The following RPN1 variants were observed in gnomAD, a reference collection of about 807,000 sequenced individuals.
RPN1 encodes the protein dolichyl-diphosphooligosaccharide--protein glycosyltransferase subunit 1.
A neutral mutation model predicts 55.5 loss-of-function variants in RPN1; 12 were observed. That is an observed-to-expected ratio of 0.22 (90% confidence interval 0.14 to 0.35). The LOEUF (loss-of-function observed/expected upper bound fraction) is 0.35, where lower values mean the gene tolerates loss of function less well. RPN1 is among the 10% of genes least tolerant of loss of function. The pLI is 1.00. For synonymous variants in RPN1, 317 were observed against 305.9 expected, an observed-to-expected ratio of 1.04 and a Z score of -0.38; for missense variants, 679 against 761.3, an observed-to-expected ratio of 0.89 and a Z score of 1.27.
intron 1 of RPN1, among the ~76,000 whole-genome samples, chr3:128,645,530 T>TCC (rs2069760257): frequency 6.6e-6 from 1 of 150,746 alleles, no homozygotes; most frequent in African/African-American, 2.4e-5. Flanking sequence ...AATGATGAAA[T>TCC]ACACACAGCT....
chr3:128,625,830 G>C, intron 7 of RPN1, 44 bp downstream of exon 7: 1 of 1,583,920 alleles, frequency 6.3e-7, no homozygotes, highest in Middle Eastern at 1.8e-4. Flanking sequence ...AGAGCCCACT[G>C]TCTGGGGAAG....
chr3:128,638,897 C>T (rs1242519782), intron 2 of RPN1, among the ~76,000 whole-genome samples: 4 of 151,718 alleles, frequency 2.6e-5, no homozygotes, highest in Non-Finnish European at 5.9e-5. Context: ...ACCCGGGAGG[C>T]GGAGGTTGCA....
At chr3:128,625,723 G>A (rs2069594012) in intron 7 of RPN1, 70 bp from the exon 8 acceptor site, 7 of 1,604,086 alleles carry the variant, frequency 4.4e-6, no homozygotes, top group Non-Finnish European at 6.0e-6. Context: ...ACCCAGGCTG[G>A]CCCACTCGAC....
At chr3:128,628,875 G>A (rs752803978) in intron 5 of RPN1, among the ~76,000 whole-genome samples, 5 of 151,924 alleles carry the variant, frequency 3.3e-5, no homozygotes, top group South Asian at 2.1e-4. Context: ...TCAGCTACTC[G>A]GGAGGCTGAG....
chr3:128,642,948 C>T (rs149680559), intron 2 of RPN1, among the ~76,000 whole-genome samples: 7,265 of 151,362 alleles, frequency 0.048, 233 homozygotes, highest in Middle Eastern at 0.13. Flanking sequence ...ACCCCAGAGG[C>T]GGAGGTTGCA....
chr3:128,643,791 CT>C (rs2069746557), intron 2 of RPN1, among the ~76,000 whole-genome samples: 1 of 150,392 alleles, frequency 6.6e-6, no homozygotes, highest in South Asian at 2.1e-4. Flanking sequence ...GCGAAACTCT[CT>C]CAAAAAAAAA....
intron 2 of RPN1, chr3:128,642,299 T>C (rs1184632309): frequency 6.6e-6 from 1 of 152,168 alleles, no homozygotes; most frequent in Admixed American, 6.6e-5. Flanking sequence ...TCACCACGCA[T>C]TAAAATGTGG....
At position 128,626,009 on chromosome 3, in the gene RPN1, G is replaced by A. The variant is rs748264239; in HGVS notation, c.1140C>T (p.Asn380=). 102 of 1,596,814 alleles carry A rather than the reference G, an allele frequency of 6.4e-5. No individual in the cohort carries two copies. The highest frequency in any genetic ancestry group is 8.7e-5 in the Non-Finnish European group (102 of 1,173,360). The change falls in exon 7 of 10, where the codon AAC becomes AAT. Residue 380 remains asparagine (N), a synonymous_variant. Coordinates refer to ENST00000296255, the MANE Select transcript of RPN1 (RefSeq NM_002950.4). ...TTTCATAGGGACTATCAATTTCAAT[G>A]TTCCTGGAAGAAGATGGGAATAAAA... ...VKIILPEGAK[N]IEIDSPYEIS...
intron 3 of RPN1, among the ~76,000 whole-genome samples, chr3:128,634,712 G>T (rs879442080): frequency 8.6e-5 from 13 of 151,866 alleles, no homozygotes; most frequent in Admixed American, 2.0e-4. Flanking sequence ...ACAGGTGCAC[G>T]CCAGCATGCT....
intron 8 of RPN1, among the ~76,000 whole-genome samples, chr3:128,624,337 G>A (rs4857913): frequency 0.33 from 50,650 of 151,854 alleles, 8,760 homozygotes; most frequent in Middle Eastern, 0.41. Flanking sequence ...AAAATTAGCC[G>A]GGCGTGGTGG....
chr3:128,623,647 C>T (rs559935776), intron 8 of RPN1, among the ~76,000 whole-genome samples: 3 of 152,240 alleles, frequency 2.0e-5, no homozygotes, highest in African/African-American at 7.2e-5. Flanking sequence ...GAGTTTGAGG[C>T]TGCAGTGAGC....
chr3:128,628,565 C>G (rs900626449), intron 5 of RPN1, among the ~76,000 whole-genome samples: 1 of 151,468 alleles, frequency 6.6e-6, no homozygotes, highest in African/African-American at 2.4e-5. Context: ...CAGGTGTGAG[C>G]CAGATAATTT....
chr3:128,628,962 T>G (rs1361336808), intron 5 of RPN1, among the ~76,000 whole-genome samples: 1 of 151,934 alleles, frequency 6.6e-6, no homozygotes, highest in African/African-American at 2.4e-5. Flanking sequence ...GATGTAGGTA[T>G]TAACTGCAGA....
chr3:128,645,974 G>A (rs2069763762), intron 1 of RPN1, among the ~76,000 whole-genome samples: 1 of 152,198 alleles, frequency 6.6e-6, no homozygotes, highest in African/African-American at 2.4e-5. Context: ...GCTGGGCGCA[G>A]TGGCTCACAC....
intron 3 of RPN1, among the ~76,000 whole-genome samples, chr3:128,635,662 T>TATATAGATAGATAG (rs1559755887): frequency 9.1e-6 from 1 of 110,186 alleles, no homozygotes; most frequent in African/African-American, 3.2e-5. Context: ...TATATATATA[T>TATATAGATAGATAG]ATAGATATCT....
chr3:128,645,799 G>A (rs2069762624), intron 1 of RPN1, among the ~76,000 whole-genome samples: 1 of 152,068 alleles, frequency 6.6e-6, no homozygotes. Flanking sequence ...TAGCCTGGGT[G>A]ACAGAGCGAG....
chr3:128,649,025 C>A (rs985839486), intron 1 of RPN1, among the ~76,000 whole-genome samples: 4 of 152,112 alleles, frequency 2.6e-5, no homozygotes, highest in Non-Finnish European at 4.4e-5. Context: ...AAAATACCCA[C>A]CATAATATCT....
intron 5 of RPN1, among the ~76,000 whole-genome samples, chr3:128,628,297 A>G (rs924512435): frequency 6.6e-6 from 1 of 152,118 alleles, no homozygotes; most frequent in Admixed American, 6.6e-5. Flanking sequence ...TGAGACAGAA[A>G]AAAAAAAAAG....
At chr3:128,641,096 GTCT>G (rs1221348872) in intron 2 of RPN1, 1 of 151,596 alleles carries the variant, frequency 6.6e-6, no homozygotes, top group Non-Finnish European at 1.5e-5. Flanking sequence ...CATGGAGCAG[GTCT>G]TTTTTTTTTT....
Sources: allele counts gnomAD v4.1 joint callset (sites outside exome capture counted in the v4.1 genomes callset), GRCh38; gene constraint gnomAD v4.1.1; transcripts MANE v1.5; gene names NCBI Gene and HGNC (gene_info 2026-07-23, HGNC 2026-07-21).